The following PRKN variants were observed in gnomAD, a reference collection of about 807,000 sequenced individuals.
PRKN encodes the protein E3 ubiquitin-protein ligase parkin.
Under a neutral mutation model 59.5 loss-of-function variants are expected in PRKN, and 56 were observed. The observed-to-expected ratio is 0.94, with a 90% CI of 0.76 to 1.18. The LOEUF (loss-of-function observed/expected upper bound fraction) is 1.18, where lower values mean the gene tolerates loss of function less well. PRKN is among the 50% of genes most tolerant of loss of function. The probability of loss-of-function intolerance (pLI) is 0.00; values close to 1 mark genes in which losing one functional copy is unlikely to be tolerated. For synonymous variants in PRKN, 250 were observed against 222.1 expected, an observed-to-expected ratio of 1.13 and a Z score of -1.12; for missense variants, 657 against 596.4, an observed-to-expected ratio of 1.10 and a Z score of -1.06.
intron 7 of PRKN, among the ~76,000 whole-genome samples, chr6:161,718,187 C>T (rs117511893): frequency 1.2e-4 from 19 of 152,142 alleles, no homozygotes; most frequent in Non-Finnish European, 2.5e-4. Flanking sequence ...AATGAGAAAA[C>T]GGATTTGAAA....
chr6:161,497,892 T>C lies in PRKN; in HGVS notation c.1083+50962A>G, dbSNP rs1286618980. On this transcript the variant is annotated intron_variant, in intron 9 of 11. Coordinates refer to ENST00000366898, the MANE Select transcript of PRKN (RefSeq NM_004562.3). This position sits in a 1 kb window ranked among gnomAD's most constrained non-coding sequence, Gnocchi z 4.6. ...AAGGCTTGTTCCTGATGCTTTCCAA[T>C]TATTTTCACTTCAAAGAAATACTTT... Among the ~76,000 whole-genome samples the C allele has an allele frequency of 6.6e-6, 1 of 152,224 alleles. No individual in the cohort carries two copies. Among genetic ancestry groups the C allele is most frequent in the African/African-American group, 2.4e-5 (1 of 41,452 alleles).
At chr6:162,286,244 T>A (rs984859826) in intron 2 of PRKN, among the ~76,000 whole-genome samples, 1 of 152,196 alleles carries the variant, frequency 6.6e-6, no homozygotes, top group African/African-American at 2.4e-5. Flanking sequence ...TGCTAGCTAA[T>A]TATTGAATCC....
At chr6:161,786,906 C>G (rs1400171174) in intron 6 of PRKN, among the ~76,000 whole-genome samples, 1 of 57,268 alleles carries the variant, frequency 1.7e-5, no homozygotes, top group Non-Finnish European at 5.8e-5. Context: ...TTAAAATACT[C>G]TGTAGAAAAA....
intron 9 of PRKN, among the ~76,000 whole-genome samples, chr6:161,479,199 G>A (rs569672654): frequency 1.5e-3 from 233 of 152,222 alleles, no homozygotes; most frequent in Non-Finnish European, 2.6e-3. Context: ...GCACAATGAT[G>A]ACATTTGAAA....
chr6:161,433,684 C>T (rs1014511568), intron 9 of PRKN, among the ~76,000 whole-genome samples: 10 of 152,168 alleles, frequency 6.6e-5, no homozygotes, highest in African/African-American at 2.4e-4. Context: ...CTATTTCTGT[C>T]ATTTAAAAGA....
intron 1 of PRKN, among the ~76,000 whole-genome samples, chr6:162,551,338 G>A (rs1159558589): frequency 2.0e-5 from 3 of 152,124 alleles, no homozygotes; most frequent in African/African-American, 2.4e-5. Context: ...AAGGAGGTTC[G>A]TTAAAGTGTT....
At chr6:161,876,495 T>G (rs920488358) in intron 6 of PRKN, among the ~76,000 whole-genome samples, 1 of 152,118 alleles carries the variant, frequency 6.6e-6, no homozygotes, top group Non-Finnish European at 1.5e-5. Flanking sequence ...AAATGTTTTG[T>G]AGAGACAAAG....
intron 6 of PRKN, among the ~76,000 whole-genome samples, chr6:161,804,966 A>G (rs1791245467): frequency 6.6e-6 from 1 of 152,218 alleles, no homozygotes; most frequent in Non-Finnish European, 1.5e-5. Context: ...GAGACTAAAT[A>G]ACTTGCCAAA....
chr6:161,637,131 C>G (rs1783553191), intron 7 of PRKN, among the ~76,000 whole-genome samples: 1 of 152,166 alleles, frequency 6.6e-6, no homozygotes, highest in African/African-American at 2.4e-5. Context: ...ACCGCTAAAT[C>G]ATGCTGAAAT....
Position 161,837,118 on chromosome 6 carries a change from G to A in PRKN, c.735-51210C>T, listed in dbSNP as rs148264980. Reference sequence around the variant, plus strand: ...TTTCAGCATAGGGGACGCTCTGCCTGTGACACCAGATGGAAGAAAATGTCC... The same window carrying A: ...TTTCAGCATAGGGGACGCTCTGCCTATGACACCAGATGGAAGAAAATGTCC... On this transcript the variant is annotated intron_variant, in intron 6 of 11. Coordinates refer to ENST00000366898, the MANE Select transcript of PRKN (RefSeq NM_004562.3). 2.2e-3 allele frequency among the ~76,000 whole-genome samples: 329 copies of A among 152,262 alleles called. 1 individual carries two copies. Among genetic ancestry groups the A allele is most frequent in the Middle Eastern group, 0.017 (5 of 294 alleles).
chr6:162,335,193 TC>T lies in PRKN; in HGVS notation c.172-72429del, dbSNP rs202197628. On this transcript the variant is annotated intron_variant, in intron 2 of 11. Coordinates refer to ENST00000366898, the MANE Select transcript of PRKN (RefSeq NM_004562.3). Reference sequence around the variant, plus strand: ...CACGTTTGGCTACTTTTTTTCTTTTTCTTTTTTTTTTTTAATTGTTGTATTT... The same window carrying T: ...CACGTTTGGCTACTTTTTTTCTTTTTTTTTTTTTTTTTAATTGTTGTATTT... 2.0e-3 allele frequency among the ~76,000 whole-genome samples: 293 copies of T among 148,318 alleles called. 10 individuals carry two copies. The East Asian group carries it at 0.048, about 25-fold the overall frequency.
chr6:162,250,197 A>T (rs7751966), intron 3 of PRKN, among the ~76,000 whole-genome samples: 32,927 of 149,898 alleles, frequency 0.22, 4,419 homozygotes, highest in African/African-American at 0.37. Context: ...GGGGGGGGGC[A>T]GGGAATGGAG....
Position 162,142,057 on chromosome 6 carries a change from T to C in PRKN, c.534+59074A>G, listed in dbSNP as rs1217581203. 1.2e-4 allele frequency among the ~76,000 whole-genome samples: 19 copies of C among 152,290 alleles called. No individual in the cohort carries two copies. The East Asian group carries it at 2.7e-3, about 22-fold the overall frequency. On this transcript the variant is annotated intron_variant, in intron 4 of 11. Coordinates refer to ENST00000366898, the MANE Select transcript of PRKN (RefSeq NM_004562.3). ...ACATGATCACTTATATTAATATCCA[T>C]GCATAAGCTGCTTAAAAGATTTTAG...
chr6:162,684,118 C>T (rs555352964), intron 1 of PRKN, among the ~76,000 whole-genome samples: 9 of 152,046 alleles, frequency 5.9e-5, no homozygotes, highest in East Asian at 1.9e-4. Context: ...CATCATTGTA[C>T]GAAGATGTTC....
At chr6:162,162,475 T>G (rs1036815959) in intron 4 of PRKN, among the ~76,000 whole-genome samples, 9 of 152,072 alleles carry the variant, frequency 5.9e-5, no homozygotes, top group Admixed American at 2.6e-4. Context: ...CTGCCCAAAG[T>G]TTCAGGCATC....
At chr6:162,009,312 T>C (rs532555905) in intron 5 of PRKN, among the ~76,000 whole-genome samples, 1 of 151,684 alleles carries the variant, frequency 6.6e-6, no homozygotes, top group Non-Finnish European at 1.5e-5. Flanking sequence ...CCTTGGAAGG[T>C]AAGTGGAAAT....
chr6:161,751,339 A>G (rs1788684701), intron 7 of PRKN, among the ~76,000 whole-genome samples: 1 of 152,206 alleles, frequency 6.6e-6, no homozygotes, highest in Admixed American at 6.5e-5. Context: ...ATCAATCATA[A>G]TTCTATCAGC....
intron 2 of PRKN, among the ~76,000 whole-genome samples, chr6:162,337,195 A>G (rs1327055981): frequency 1.3e-5 from 2 of 152,200 alleles, no homozygotes; most frequent in Non-Finnish European, 2.9e-5. Flanking sequence ...TGAACCATTT[A>G]GTATGAATCT....
At chr6:161,767,504 A>G (rs6455773) in intron 7 of PRKN, among the ~76,000 whole-genome samples, 149,891 of 149,946 alleles carry the variant, frequency 1, 74,918 homozygotes, top group Middle Eastern at 1. Context: ...GCGACAGAGC[A>G]AAACTCCTTC....
Sources: gnomAD v4.1 joint callset for allele counts (sites outside exome capture counted in the v4.1 genomes callset) on GRCh38, gnomAD v4.1.1 for gene constraint, Gnocchi (gnomAD v3.1) non-coding constraint, MANE v1.5 for transcripts, NCBI Gene and HGNC (gene_info 2026-07-23, HGNC 2026-07-21) for gene names.